The following ARHGAP44 variants were observed in gnomAD, a reference collection of about 807,000 sequenced individuals.
The protein encoded by ARHGAP44 is Rho GTPase activating protein 44, also known as rho GTPase-activating protein 44.
A neutral mutation model predicts 106.8 loss-of-function variants in ARHGAP44; 43 were observed. The ratio of observed to expected loss-of-function variants is 0.40; its 90% CI spans 0.32 to 0.52. ARHGAP44 has a LOEUF of 0.52. Ranked by LOEUF, ARHGAP44 falls within the 20% of genes least tolerant of loss-of-function variation. The pLI is 0.48. For missense variants in ARHGAP44, 866 were observed against 1,050.5 expected, an observed-to-expected ratio of 0.82 and a Z score of 2.43; for synonymous variants, 439 against 410.3, an observed-to-expected ratio of 1.07 and a Z score of -0.85.
Position 12,980,040 on chromosome 17 carries a change from CAT to C in ARHGAP44, c.1764-17_1764-16del, listed in dbSNP as rs1189480896. On this transcript the variant is annotated splice_polypyrimidine_tract_variant and intron_variant, in intron 18 of 20. Transcript: ENST00000379672. The stretch of plus-strand genomic sequence containing the variant: ...TGAGTTCAGGGCTTTTCTTTTGTCT[CAT>C]GTGCTTTCGTTTCAGCACAACAAAA... The C allele has an allele frequency of 2.5e-6, 4 of 1,589,076 alleles. No individual in the cohort carries two copies. In the East Asian group the frequency reaches 6.7e-5, roughly 27 times the overall value.
At chr17:12,916,320 A>G (rs553111504) in intron 5 of ARHGAP44, among the ~76,000 whole-genome samples, 253 of 151,712 alleles carry the variant, frequency 1.7e-3, no homozygotes, top group African/African-American at 6.0e-3. Flanking sequence ...ACCCATCTCA[A>G]GTCTTCAGTG....
intron 1 of ARHGAP44, among the ~76,000 whole-genome samples, chr17:12,818,418 T>C (rs1163725672): frequency 1.3e-5 from 2 of 151,290 alleles, no homozygotes; most frequent in East Asian, 3.9e-4. Context: ...AAGACTGAAA[T>C]TGAGGCAGGG....
intron 6 of ARHGAP44, among the ~76,000 whole-genome samples, chr17:12,925,083 C>T (rs1022471538): frequency 2.0e-5 from 3 of 152,104 alleles, no homozygotes; most frequent in Non-Finnish European, 4.4e-5. Context: ...GTCTCTCACC[C>T]CTCCCCATAC....
intron 1 of ARHGAP44, among the ~76,000 whole-genome samples, chr17:12,871,309 G>A (rs1302788608): frequency 2.0e-5 from 3 of 152,134 alleles, no homozygotes; most frequent in Admixed American, 6.6e-5. Flanking sequence ...CTCATGAATG[G>A]TTTCGCACCA....
intron 16 of ARHGAP44, among the ~76,000 whole-genome samples, chr17:12,971,555 A>G (rs1456287416): frequency 6.6e-6 from 1 of 152,176 alleles, no homozygotes; most frequent in East Asian, 1.9e-4. Context: ...ATCCTGATAC[A>G]TTCTGAAGCC....
chr17:12,988,981 C>T (rs2040028933), intron 20 of ARHGAP44: 1 of 148,528 alleles, frequency 6.7e-6, no homozygotes, highest in Non-Finnish European at 1.5e-5. Context: ...CCTGTAATCC[C>T]AGCTACTCGG....
intron 20 of ARHGAP44, chr17:12,987,595 G>C (rs2039992990): frequency 6.5e-6 from 1 of 154,826 alleles, no homozygotes. Context: ...GGTCATACCA[G>C]GTGCAGCCCA....
intron 6 of ARHGAP44, among the ~76,000 whole-genome samples, chr17:12,926,736 A>T (rs1295418687): frequency 3.3e-5 from 5 of 151,758 alleles, no homozygotes; most frequent in Admixed American, 1.3e-4. Context: ...TCTGTTTTTT[A>T]AAAAATTTAA....
intron 13 of ARHGAP44, among the ~76,000 whole-genome samples, chr17:12,953,081 T>A (rs181865075): frequency 6.6e-6 from 1 of 152,250 alleles, no homozygotes; most frequent in East Asian, 1.9e-4. Flanking sequence ...CAGGTAGGTG[T>A]TGGTGGACAC....
chr17:12,946,057 C>G (rs1464145054), intron 10 of ARHGAP44, among the ~76,000 whole-genome samples: 1 of 152,146 alleles, frequency 6.6e-6, no homozygotes, highest in African/African-American at 2.4e-5. Context: ...CCGCACTGGG[C>G]CTCAATTTAA....
intron 1 of ARHGAP44, among the ~76,000 whole-genome samples, chr17:12,869,993 A>G (rs2036362231): frequency 6.6e-6 from 1 of 151,516 alleles, no homozygotes. Context: ...TTATAGAGCA[A>G]TGCTCTGATT....
chr17:12,875,966 A>T (rs1473228185), intron 1 of ARHGAP44, among the ~76,000 whole-genome samples: 7 of 152,098 alleles, frequency 4.6e-5, no homozygotes, highest in Non-Finnish European at 1.0e-4. Flanking sequence ...TGTATTGATG[A>T]TATTTTCTTA....
intron 13 of ARHGAP44, among the ~76,000 whole-genome samples, chr17:12,953,230 C>T (rs934695387): frequency 6.6e-6 from 1 of 152,114 alleles, no homozygotes; most frequent in African/African-American, 2.4e-5. Flanking sequence ...GTCTGCCTCT[C>T]GCTTTTCTTG....
chr17:12,802,291 TGGG>T (rs796168680), intron 1 of ARHGAP44, among the ~76,000 whole-genome samples: 58 of 152,198 alleles, frequency 3.8e-4, no homozygotes, highest in Middle Eastern at 3.4e-3. Context: ...AAAGGAGTTT[TGGG>T]AAGGGTGGGG....
intron 1 of ARHGAP44, among the ~76,000 whole-genome samples, chr17:12,806,891 G>A (rs1224929523): frequency 6.6e-6 from 1 of 152,192 alleles, no homozygotes; most frequent in African/African-American, 2.4e-5. Flanking sequence ...TAGGGGGTAA[G>A]AGGGAAACTT....
chr17:12,884,893 T>TTTTA (rs2150904443), intron 1 of ARHGAP44, among the ~76,000 whole-genome samples: 1 of 152,160 alleles, frequency 6.6e-6, no homozygotes, highest in East Asian at 1.9e-4. Context: ...GCTAAGCATT[T>TTTTA]TTTGTTTGTT....
intron 16 of ARHGAP44, among the ~76,000 whole-genome samples, chr17:12,963,282 G>A (rs2039308547): frequency 6.6e-6 from 1 of 152,144 alleles, no homozygotes; most frequent in Non-Finnish European, 1.5e-5. Context: ...TAGGATGTGG[G>A]AGAGGTGATG....
chr17:12,821,054 A>G (rs1281417045), intron 1 of ARHGAP44, among the ~76,000 whole-genome samples: 1 of 152,184 alleles, frequency 6.6e-6, no homozygotes, highest in Non-Finnish European at 1.5e-5. Flanking sequence ...ATATGGGAAG[A>G]TATTTGGCAC....
In ARHGAP44 at chr17:12,973,292, G is replaced by A; in HGVS notation, c.1524-10G>A. 2 of 1,607,428 alleles carry A rather than the reference G, an allele frequency of 1.2e-6. No individual in the cohort carries two copies. The highest frequency in any genetic ancestry group is 1.1e-5 in the South Asian group (1 of 89,490). ...TTGAAACTAATATCTGTATGTTTCTGTCCCTGCAGCCTTAGGAAAATCCAA... is the reference window on the plus strand; with the variant it reads ...TTGAAACTAATATCTGTATGTTTCTATCCCTGCAGCCTTAGGAAAATCCAA... On this transcript the variant is annotated splice_polypyrimidine_tract_variant and intron_variant, in intron 16 of 20. Coordinates refer to ENST00000379672, the MANE Select transcript of ARHGAP44 (RefSeq NM_014859.6).
Sources: allele counts gnomAD v4.1 joint callset (sites outside exome capture counted in the v4.1 genomes callset), GRCh38; gene constraint gnomAD v4.1.1; transcripts MANE v1.5; gene names NCBI Gene and HGNC (gene_info 2026-07-23, HGNC 2026-07-21).